Variants in CDH22 observed in about 807,000 individuals in gnomAD.
The protein encoded by CDH22 is cadherin-22.
In CDH22, 30 loss-of-function variants were observed where a neutral mutation model predicts 58.4. The ratio of observed to expected loss-of-function variants is 0.51; its 90% CI spans 0.38 to 0.70. The LOEUF (loss-of-function observed/expected upper bound fraction) is 0.70. CDH22 is among the 30% of genes least tolerant of loss of function. The pLI is 0.00. For missense variants in CDH22, 1,014 were observed against 1,233.9 expected, an observed-to-expected ratio of 0.82 and a Z score of 2.67; for synonymous variants, 513 against 558.2, an observed-to-expected ratio of 0.92 and a Z score of 1.14.
chr20:46,180,548 T>A (rs949349098), intron 10 of CDH22, among the ~76,000 whole-genome samples: 1 of 152,180 alleles, frequency 6.6e-6, no homozygotes. Context: ...TTGTACTGAA[T>A]GGATTTTTTT....
intron 1 of CDH22, among the ~76,000 whole-genome samples, chr20:46,267,879 G>C (rs924675002): frequency 9.9e-5 from 15 of 152,236 alleles, no homozygotes; most frequent in Non-Finnish European, 2.1e-4. Context: ...GGTTCACTGG[G>C]GGAGAGTTCT....
At chr20:46,179,182 C>T (rs1049212095) in intron 10 of CDH22, among the ~76,000 whole-genome samples, 3 of 152,212 alleles carry the variant, frequency 2.0e-5, no homozygotes, top group East Asian at 1.9e-4. Context: ...TGCAGGGGTA[C>T]GAAGTGCCCA....
intron 1 of CDH22, among the ~76,000 whole-genome samples, chr20:46,266,117 T>G (rs1029277620): frequency 7.9e-5 from 12 of 152,126 alleles, no homozygotes; most frequent in African/African-American, 2.9e-4. Context: ...CTATTAAAGT[T>G]TATCTGTTTT....
intron 1 of CDH22, among the ~76,000 whole-genome samples, chr20:46,303,168 C>T (rs2086659629): frequency 1.3e-5 from 2 of 152,222 alleles, no homozygotes; most frequent in Admixed American, 6.5e-5. Flanking sequence ...CCCATGACTC[C>T]CACTCCCTGA....
chr20:46,213,050 A>G lies in CDH22; in HGVS notation c.977T>C (p.Val326Ala), dbSNP rs2086055626. The change falls in exon 6 of 12, where the codon GTG (valine) becomes GCG (alanine). Residue 326 changes from valine (V) to alanine (A), a missense_variant. Val to Ala is a moderately conservative substitution (Grantham distance 64). Coordinates refer to ENST00000537909, the MANE Select transcript of CDH22 (RefSeq NM_021248.3). ...LKDESSSGGD[V>A]FKVTTDSDTQ... ...GTCGCTGTCTGTGGTGACCTTGAACACATCGCCGCCGCTGCTGCTCTCGTC... is the reference window on the plus strand; with the variant it reads ...GTCGCTGTCTGTGGTGACCTTGAACGCATCGCCGCCGCTGCTGCTCTCGTC... 4 of 1,614,138 alleles carry G rather than the reference A, an allele frequency of 2.5e-6. No homozygotes were observed. The East Asian group carries it at 6.7e-5, about 27-fold the overall frequency.
At chr20:46,212,720 A>G (rs2067064) in intron 6 of CDH22, among the ~76,000 whole-genome samples, 134,675 of 152,258 alleles carry the variant, frequency 0.88, 59,830 homozygotes, top group Non-Finnish European at 0.93. Flanking sequence ...GATGTGAAGC[A>G]CACGTCAGAG....
chr20:46,285,866 T>A (rs1406504515), intron 1 of CDH22, among the ~76,000 whole-genome samples: 2 of 152,210 alleles, frequency 1.3e-5, no homozygotes, highest in African/African-American at 4.8e-5. Flanking sequence ...CGTTTGGGAC[T>A]CCCATGTAGT....
Position 46,241,029 on chromosome 20 carries a change from T to C in CDH22, c.484A>G (p.Asn162Asp). ...SEFIIKVQDI[N>D]DSEPRFLHGP... Reference sequence around the variant, plus strand: ...TGCAGGAAGCGGGGCTCACTGTCATTGATGTCCTGCACCTTGATGATGAAC... The same window carrying C: ...TGCAGGAAGCGGGGCTCACTGTCATCGATGTCCTGCACCTTGATGATGAAC... Residue 162 changes from asparagine (N) to aspartate (D), a missense_variant, in exon 3 of 12, where the codon AAT (asparagine) becomes GAT (aspartate). Transcript: ENST00000537909. This position sits in a 1 kb window ranked among gnomAD's most constrained non-coding sequence, Gnocchi z 5.2. The C allele has an allele frequency of 6.2e-7, 1 of 1,614,032 alleles. No homozygotes were observed. Among genetic ancestry groups the C allele is most frequent in the Non-Finnish European group, 8.5e-7 (1 of 1,179,976 alleles).
chr20:46,251,448 G>C lies in CDH22; in HGVS notation c.-154C>G. ...CGACGGGGCACCCGGACGGGCCCGC[G>C]GCCCTGAACGCCGCCCAGCCGCGGG... On this transcript the variant is annotated 5_prime_UTR_variant, in exon 2 of 12. Transcript: ENST00000537909. The surrounding 1 kb of genome is among the most constrained non-coding windows in gnomAD (Gnocchi z 6.7). 1.2e-6 allele frequency: 1 copy of C among 851,842 alleles called. No individual in the cohort carries two copies. The highest frequency in any genetic ancestry group is 1.6e-6 in the Non-Finnish European group (1 of 633,186). The allele number at this position is 851,842 out of a possible 1,614,324, so 52.8% of individuals were successfully genotyped here. A position where few individuals can be genotyped will look rare whatever the true frequency, so the allele number is the denominator to read the frequency against.
chr20:46,215,116 T>C (rs948204410), intron 5 of CDH22, among the ~76,000 whole-genome samples: 1 of 152,210 alleles, frequency 6.6e-6, no homozygotes, highest in Admixed American at 6.5e-5. Flanking sequence ...CTTTATTTGG[T>C]AAAGCTAAAG....
rs191312593 is a variant in CDH22, at chr20:46,176,976, G to A, written c.1915+970C>T. On this transcript the variant is annotated intron_variant, in intron 11 of 11. Transcript: ENST00000537909. ...TTGCACTGCCTCGGAAAATGAAACCGCTGTAAAGTGCACCCTCTGGAAAAA... is the reference window on the plus strand; with the variant it reads ...TTGCACTGCCTCGGAAAATGAAACCACTGTAAAGTGCACCCTCTGGAAAAA... 5.2e-3 allele frequency among the ~76,000 whole-genome samples: 798 copies of A among 152,326 alleles called. 7 individuals carry two copies. Among genetic ancestry groups the A allele is most frequent in the South Asian group, 0.033 (159 of 4,828 alleles).
chr20:46,302,740 C>T (rs372279145), intron 1 of CDH22, among the ~76,000 whole-genome samples: 232 of 152,292 alleles, frequency 1.5e-3, no homozygotes, highest in African/African-American at 5.5e-3. Flanking sequence ...AGCATCCCCA[C>T]TCATGTATCC....
intron 1 of CDH22, among the ~76,000 whole-genome samples, chr20:46,253,737 T>A (rs886212119): frequency 6.6e-6 from 1 of 152,096 alleles, no homozygotes; most frequent in Non-Finnish European, 1.5e-5. Flanking sequence ...GCGTGCCCCA[T>A]GGGAACTGTT....
chr20:46,307,135 C>A (rs534288479), intron 1 of CDH22, among the ~76,000 whole-genome samples: 1 of 152,326 alleles, frequency 6.6e-6, no homozygotes, highest in Admixed American at 6.5e-5. Context: ...GCAACCCTGG[C>A]GACGCCCGAA....
chr20:46,193,979 G>T (rs531150811), intron 8 of CDH22, among the ~76,000 whole-genome samples: 2 of 152,184 alleles, frequency 1.3e-5, no homozygotes, highest in African/African-American at 4.8e-5. Context: ...CAGAGTGAGA[G>T]CCCCCTCTTT....
At chr20:46,224,365 TG>T (rs1335057442) in intron 4 of CDH22, among the ~76,000 whole-genome samples, 1 of 152,202 alleles carries the variant, frequency 6.6e-6, no homozygotes, top group African/African-American at 2.4e-5. Context: ...AAATAGTGGT[TG>T]AATGAATGAG....
At position 46,177,971 on chromosome 20, in the gene CDH22, G is replaced by A. The variant is rs745795688; in HGVS notation, c.1890C>T (p.Leu630=). The change falls in exon 11 of 12, where the codon CTC becomes CTT. Residue 630 remains leucine (L), a synonymous_variant. Transcript: ENST00000537909. The part of the protein sequence containing the change: ...ASLSPGALIA[L]LVCVLILVVL... ...CAACCAGGATGAGAACGCAGACCAA[G>A]AGGGCGATGAGGGCGCCGGGGCTGA... 3 of 1,613,992 alleles carry A rather than the reference G, an allele frequency of 1.9e-6. No homozygotes were observed. Among genetic ancestry groups the A allele is most frequent in the East Asian group, 2.2e-5 (1 of 44,870 alleles).
chr20:46,185,097 C>CAAACAAAT (rs1288791870), intron 10 of CDH22, among the ~76,000 whole-genome samples: 2 of 148,794 alleles, frequency 1.3e-5, no homozygotes, highest in African/African-American at 5.0e-5. Context: ...AACAAACAAA[C>CAAACAAAT]AAACAAAAAA....
intron 3 of CDH22, among the ~76,000 whole-genome samples, chr20:46,240,266 C>T (rs1367976124): frequency 6.6e-6 from 1 of 152,044 alleles, no homozygotes. Context: ...TGTCTCTGTA[C>T]ATGGCTGAGT....
Sources: gnomAD v4.1 joint callset for allele counts (sites outside exome capture counted in the v4.1 genomes callset) on GRCh38, gnomAD v4.1.1 for gene constraint, Gnocchi (gnomAD v3.1) non-coding constraint, MANE v1.5 for transcripts, NCBI Gene and HGNC (gene_info 2026-07-23, HGNC 2026-07-21) for gene names.